The following RORA variants were observed in gnomAD, a reference collection of about 807,000 sequenced individuals.
RORA encodes RAR related orphan receptor A.
RORA carries 7 observed loss-of-function variants against 69.5 expected under a neutral mutation model. That is an observed-to-expected ratio of 0.10 (90% confidence interval 0.06 to 0.19). The LOEUF is 0.19. RORA is among the 10% of genes least tolerant of loss of function. The pLI is 1.00. For synonymous variants in RORA, 261 were observed against 240.8 expected, an observed-to-expected ratio of 1.08 and a Z score of -0.78; for missense variants, 457 against 663.0, an observed-to-expected ratio of 0.69 and a Z score of 3.41.
chr15:60,714,070 T>C (rs902915552), intron 1 of RORA, among the ~76,000 whole-genome samples: 14 of 151,910 alleles, frequency 9.2e-5, no homozygotes, highest in African/African-American at 3.1e-4. Flanking sequence ...TTTTTTTTTT[T>C]CGAGACAGAG....
At chr15:61,110,936 G>C (rs2079001191) in intron 1 of RORA, among the ~76,000 whole-genome samples, 1 of 152,178 alleles carries the variant, frequency 6.6e-6, no homozygotes, top group South Asian at 2.1e-4. Flanking sequence ...CTACATGTGT[G>C]GAGTTGTTTG....
chr15:60,890,855 T>C (rs750294330), intron 1 of RORA, among the ~76,000 whole-genome samples: 2 of 152,192 alleles, frequency 1.3e-5, no homozygotes, highest in African/African-American at 4.8e-5. Context: ...CACAAAACCA[T>C]ACCAAGTTGA....
chr15:61,078,457 C>G (rs1170355226), intron 1 of RORA, among the ~76,000 whole-genome samples: 1 of 151,788 alleles, frequency 6.6e-6, no homozygotes, highest in Non-Finnish European at 1.5e-5. Context: ...CCTTGGCCTC[C>G]CAAAGTGTTG....
Position 60,708,256 on chromosome 15 carries a change from T to C in RORA, c.167-29570A>G, listed in dbSNP as rs547896842. On this transcript the variant is annotated intron_variant, in intron 1 of 10. Transcript: ENST00000335670. Reference sequence around the variant, plus strand: ...GACCAACATGGTGAAACCCTGTCTCTACTAAAAATACAAAAATTAGCTGGG... The same window carrying C: ...GACCAACATGGTGAAACCCTGTCTCCACTAAAAATACAAAAATTAGCTGGG... 1.9e-3 allele frequency among the ~76,000 whole-genome samples: 284 copies of C among 151,650 alleles called. 1 individual carries two copies. Among genetic ancestry groups the C allele is most frequent in the Non-Finnish European group, 3.0e-3 (206 of 67,996 alleles).
At chr15:61,181,162 T>C (rs1295704113) in intron 1 of RORA, 2 of 151,292 alleles carry the variant, frequency 1.3e-5, no homozygotes, top group East Asian at 1.9e-4. Context: ...GGACTAGTAT[T>C]AGAATTAAGT....
chr15:60,632,588 C>T (rs2069763381), intron 2 of RORA, among the ~76,000 whole-genome samples: 1 of 152,128 alleles, frequency 6.6e-6, no homozygotes, highest in African/African-American at 2.4e-5. Flanking sequence ...CATTAACCAG[C>T]TGGTTTATTT....
At chr15:60,795,739 G>A (rs2072487041) in intron 1 of RORA, among the ~76,000 whole-genome samples, 1 of 152,074 alleles carries the variant, frequency 6.6e-6, no homozygotes, top group South Asian at 2.1e-4. Flanking sequence ...CCCTATATAT[G>A]GCAACTCCCC....
chr15:60,605,399 C>G (rs1479688613), intron 2 of RORA, among the ~76,000 whole-genome samples: 1 of 152,012 alleles, frequency 6.6e-6, no homozygotes, highest in Non-Finnish European at 1.5e-5. Flanking sequence ...CCTATTGTAT[C>G]CCTTAGGATT....
intron 2 of RORA, among the ~76,000 whole-genome samples, chr15:60,611,218 G>A (rs1311597224): frequency 6.6e-6 from 1 of 152,078 alleles, no homozygotes; most frequent in Non-Finnish European, 1.5e-5. Flanking sequence ...TCTTGAATGG[G>A]TTCAATCTCT....
chr15:60,505,307 T>G lies in RORA; in HGVS notation c.942+201A>C, dbSNP rs573199760. Among the ~76,000 whole-genome samples the G allele has an allele frequency of 3.9e-5, 6 of 152,322 alleles. No individual in the cohort carries two copies. In the South Asian group the frequency reaches 6.2e-4, roughly 16 times the overall value. Reference sequence around the variant, plus strand: ...GTATACCTAGAAAGCACAATAGAAATTATTTGCTATTGCTGAAATTTTGCA... The same window carrying G: ...GTATACCTAGAAAGCACAATAGAAAGTATTTGCTATTGCTGAAATTTTGCA... On this transcript the variant is annotated intron_variant, in intron 6 of 10. Transcript: ENST00000335670.
intron 1 of RORA, among the ~76,000 whole-genome samples, chr15:61,192,349 T>C (rs2079808487): frequency 6.6e-6 from 1 of 152,244 alleles, no homozygotes; most frequent in African/African-American, 2.4e-5. Context: ...CTAACCAGGC[T>C]ACAAGGGATC....
chr15:60,940,797 C>T (rs371879228), intron 1 of RORA, among the ~76,000 whole-genome samples: 5 of 152,002 alleles, frequency 3.3e-5, no homozygotes, highest in Admixed American at 1.3e-4. Flanking sequence ...CATGGTGGCG[C>T]GTGCCTGTAG....
intron 1 of RORA, among the ~76,000 whole-genome samples, chr15:61,012,610 C>T (rs1276158551): frequency 6.6e-6 from 1 of 151,988 alleles, no homozygotes; most frequent in Non-Finnish European, 1.5e-5. Context: ...ATCAAATATC[C>T]TTTCTCAAGT....
intron 1 of RORA, among the ~76,000 whole-genome samples, chr15:61,109,138 G>C (rs1352493490): frequency 6.6e-6 from 1 of 152,190 alleles, no homozygotes; most frequent in Non-Finnish European, 1.5e-5. Flanking sequence ...AGAGGTTGCA[G>C]TGAGCCTAGA....
chr15:60,922,487 T>C (rs1892078106), intron 1 of RORA, among the ~76,000 whole-genome samples: 1 of 152,202 alleles, frequency 6.6e-6, no homozygotes, highest in South Asian at 2.1e-4. Flanking sequence ...AAAGTCTCTT[T>C]AAGAAGATAC....
chr15:61,108,191 T>C (rs1347079290), intron 1 of RORA, among the ~76,000 whole-genome samples: 1 of 152,208 alleles, frequency 6.6e-6, no homozygotes, highest in Non-Finnish European at 1.5e-5. Context: ...TGATCCCTAG[T>C]ACCGATCCTG....
At chr15:61,180,941 TA>T (rs1194197902) in intron 1 of RORA, among the ~76,000 whole-genome samples, 6 of 151,962 alleles carry the variant, frequency 3.9e-5, no homozygotes, top group Non-Finnish European at 7.4e-5. Context: ...TCTTCTCTAC[TA>T]AAAATATAAA....
intron 1 of RORA, among the ~76,000 whole-genome samples, chr15:60,919,500 T>C (rs1387119335): frequency 1.3e-5 from 2 of 152,232 alleles, no homozygotes; most frequent in Non-Finnish European, 2.9e-5. Flanking sequence ...CTACTATAGA[T>C]AATACCTATA....
chr15:60,507,581 A>G (rs1374976187), intron 5 of RORA, among the ~76,000 whole-genome samples: 1 of 152,238 alleles, frequency 6.6e-6, no homozygotes. Context: ...AAGCCAGTAA[A>G]TTACATGTCT....
Sources: gnomAD v4.1 joint callset for allele counts (sites outside exome capture counted in the v4.1 genomes callset) on GRCh38, gnomAD v4.1.1 for gene constraint, MANE v1.5 for transcripts, NCBI Gene and HGNC (gene_info 2026-07-23, HGNC 2026-07-21) for gene names.